The following ARHGEF37 variants were observed in gnomAD, a reference collection of about 807,000 sequenced individuals.
The protein encoded by ARHGEF37 is Rho guanine nucleotide exchange factor 37, also known as Rho guanine nucleotide exchange factor (GEF) 37.
A neutral mutation model predicts 71.1 loss-of-function variants in ARHGEF37; 55 were observed. The observed-to-expected ratio is 0.77, with a 90% confidence interval of 0.62 to 0.97. The LOEUF (loss-of-function observed/expected upper bound fraction) is 0.97, where lower values mean the gene tolerates loss of function less well. Among genes scored for constraint, ARHGEF37 ranks in the 50% least tolerant of loss-of-function variants. The probability of loss-of-function intolerance (pLI) is 0.00; values close to 1 mark genes in which losing one functional copy is unlikely to be tolerated. For missense variants in ARHGEF37, 765 were observed against 836.8 expected, an observed-to-expected ratio of 0.91 and a Z score of 1.06; for synonymous variants, 327 against 350.6, an observed-to-expected ratio of 0.93 and a Z score of 0.75.
chr5:149,562,385 C>T (rs566657455), intron 1 of ARHGEF37, among the ~76,000 whole-genome samples: 4 of 152,290 alleles, frequency 2.6e-5, no homozygotes, highest in African/African-American at 9.6e-5. Context: ...TTGTATCCAT[C>T]GTAGGTGTGA....
At chr5:149,599,727 GT>G (rs1763697233) in intron 2 of ARHGEF37, among the ~76,000 whole-genome samples, 2 of 152,036 alleles carry the variant, frequency 1.3e-5, no homozygotes, top group Non-Finnish European at 2.9e-5. Flanking sequence ...TGCTTGCTAC[GT>G]TTCAAGCATC....
intron 1 of ARHGEF37, among the ~76,000 whole-genome samples, chr5:149,562,945 T>G (rs1190580244): frequency 6.6e-6 from 1 of 152,222 alleles, no homozygotes; most frequent in African/African-American, 2.4e-5. Context: ...TTGGCTCATT[T>G]ACATAGTTCA....
In ARHGEF37 at chr5:149,565,871, C is replaced by CA. The variant is rs1464105546; in HGVS notation, c.-12+13749dup. On this transcript the variant is annotated intron_variant, in intron 1 of 2. Transcript: ENST00000505810. ...TTTTTTTTTTTTTTTTTTTGTGAGACAGAGTTTCCCTCTTGTTGCCCAGGC... is the reference window on the plus strand; with the variant it reads ...TTTTTTTTTTTTTTTTTTTGTGAGACAAGAGTTTCCCTCTTGTTGCCCAGGC... 6.0e-4 allele frequency among the ~76,000 whole-genome samples: 45 copies of CA among 75,570 alleles called. No individual in the cohort carries two copies. In the East Asian group the frequency reaches 0.018, roughly 31 times the overall value. 49.6% of individuals were successfully genotyped at this position (75,570 alleles called of 152,430 possible).
upstream of ARHGEF37, among the ~76,000 whole-genome samples, chr5:149,577,943 AGTG>A (rs968715815): frequency 2.0e-5 from 3 of 152,250 alleles, no homozygotes; most frequent in African/African-American, 7.2e-5. Context: ...AGTGAATTTC[AGTG>A]GTGGTGACAT....
chr5:149,577,297 T>G (rs946373331), upstream of ARHGEF37, among the ~76,000 whole-genome samples: 1 of 152,230 alleles, frequency 6.6e-6, no homozygotes, highest in Admixed American at 6.5e-5. Flanking sequence ...TCATTATTAC[T>G]ATGGAAAGAG....
Position 149,632,319 on chromosome 5 carries a change from C to G in ARHGEF37, c.*128C>G. ...ACCAGGCCAGGGTGGGTGAAGCACA[C>G]TCAGGAGGCAGCCAGAAGACATGGG... is the stretch of plus-strand genomic sequence containing the variant. On this transcript the variant is annotated 3_prime_UTR_variant, in exon 13 of 13. Transcript: ENST00000333677. 1 of 1,059,544 alleles carries G rather than the reference C, an allele frequency of 9.4e-7. No homozygotes were observed. The highest frequency in any genetic ancestry group is 1.3e-6 in the Non-Finnish European group (1 of 743,320). 65.6% of individuals were successfully genotyped at this position (1,059,544 alleles called of 1,614,324 possible).
intron 3 of ARHGEF37, among the ~76,000 whole-genome samples, chr5:149,604,451 G>A (rs1763848393): frequency 6.6e-6 from 1 of 152,024 alleles, no homozygotes; most frequent in African/African-American, 2.4e-5. Flanking sequence ...TGGCAGTCCT[G>A]TTCCCTGGCC....
At position 149,609,366 on chromosome 5, in the gene ARHGEF37, C is replaced by T. The variant is rs183222014; in HGVS notation, c.311-182C>T. 1.3e-4 allele frequency among the ~76,000 whole-genome samples: 20 copies of T among 152,242 alleles called. No homozygotes were observed. The East Asian group carries it at 3.9e-3, about 29-fold the overall frequency. ...TCTGTCACTCAATCCTCAGAACAAC[C>T]TTGTGAAAAGATGAAAAAAACAGAA... On this transcript the variant is annotated intron_variant, in intron 3 of 12. Coordinates refer to ENST00000333677, the MANE Select transcript of ARHGEF37 (RefSeq NM_001001669.3).
At chr5:149,587,859 C>T (rs945429237) in intron 1 of ARHGEF37, among the ~76,000 whole-genome samples, 9 of 150,100 alleles carry the variant, frequency 6.0e-5, no homozygotes, top group African/African-American at 2.0e-4. Flanking sequence ...CCTATGTGCA[C>T]ATTCTTGTTT....
intron 1 of ARHGEF37, among the ~76,000 whole-genome samples, chr5:149,597,440 GT>G (rs1763580439): frequency 6.6e-6 from 1 of 151,994 alleles, no homozygotes; most frequent in Non-Finnish European, 1.5e-5. Flanking sequence ...TGTATTTTTA[GT>G]AGAGACGGGG....
intron 1 of ARHGEF37, among the ~76,000 whole-genome samples, chr5:149,554,201 A>G (rs897983975): frequency 9.9e-5 from 15 of 152,166 alleles, no homozygotes; most frequent in African/African-American, 3.6e-4. Flanking sequence ...ACGGTGGCTC[A>G]TGCATGTAAT....
intron 5 of ARHGEF37, among the ~76,000 whole-genome samples, chr5:149,617,347 TG>T (rs1399092568): frequency 3.1e-4 from 47 of 152,096 alleles, no homozygotes; most frequent in African/African-American, 1.0e-3. Context: ...AAATCAATAG[TG>T]GGGAGGTAAA....
intron 3 of ARHGEF37, among the ~76,000 whole-genome samples, chr5:149,606,364 G>C (rs942299148): frequency 2.6e-5 from 4 of 152,114 alleles, no homozygotes; most frequent in Non-Finnish European, 5.9e-5. Context: ...ACCGGGAAAG[G>C]GTAGGCCCTG....
chr5:149,562,180 T>G (rs1762841482), intron 1 of ARHGEF37, among the ~76,000 whole-genome samples: 1 of 152,116 alleles, frequency 6.6e-6, no homozygotes, highest in African/African-American at 2.4e-5. Flanking sequence ...CTTTCTGCAG[T>G]GAACAGAGCC....
chr5:149,608,746 C>T (rs1449513204), intron 3 of ARHGEF37, among the ~76,000 whole-genome samples: 1 of 152,114 alleles, frequency 6.6e-6, no homozygotes, highest in Admixed American at 6.6e-5. Context: ...CCTCAGGTTA[C>T]ACAACTGGGG....
intron 4 of ARHGEF37, among the ~76,000 whole-genome samples, chr5:149,610,867 AC>A (rs1194117468): frequency 6.6e-6 from 1 of 152,162 alleles, no homozygotes; most frequent in African/African-American, 2.4e-5. Context: ...ATAACAAATC[AC>A]CCCCAAAATG....
chr5:149,555,813 A>G (rs1326642545), intron 1 of ARHGEF37, among the ~76,000 whole-genome samples: 1 of 152,164 alleles, frequency 6.6e-6, no homozygotes, highest in East Asian at 1.9e-4. Flanking sequence ...AGGGAATTCA[A>G]GATGAATTTT....
At chr5:149,619,158 T>G in intron 7 of ARHGEF37, 116 bp downstream of exon 7, 1 of 799,358 alleles carries the variant, frequency 1.3e-6, no homozygotes, top group Non-Finnish European at 2.2e-6. Flanking sequence ...ACCAACCAGA[T>G]GAGGTCATCC....
intron 1 of ARHGEF37, among the ~76,000 whole-genome samples, chr5:149,572,446 G>A (rs1411057159): frequency 6.6e-6 from 1 of 152,160 alleles, no homozygotes; most frequent in African/African-American, 2.4e-5. Context: ...ATTTTCAGTT[G>A]TATGCAGAAT....
Sources: allele counts gnomAD v4.1 joint callset (sites outside exome capture counted in the v4.1 genomes callset), GRCh38; gene constraint gnomAD v4.1.1; transcripts MANE v1.5; gene names NCBI Gene and HGNC (gene_info 2026-07-23, HGNC 2026-07-21).